GABRA6: variants seen among roughly 807,000 people sequenced by gnomAD.
GABRA6 encodes gamma-aminobutyric acid receptor subunit alpha-6.
In GABRA6, 45 loss-of-function variants were observed where a neutral mutation model predicts 47.3. The observed-to-expected ratio is 0.95, with a 90% confidence interval of 0.75 to 1.22. The LOEUF (loss-of-function observed/expected upper bound fraction) is 1.22, where lower values mean the gene tolerates loss of function less well. Ranked by LOEUF, GABRA6 falls within the 50% of genes most tolerant of loss-of-function variation. The pLI is 0.00. For synonymous variants in GABRA6, 219 were observed against 194.7 expected (o/e 1.12, Z -1.04); for missense variants, 583 against 549.3 (o/e 1.06, Z -0.61).
At chr5:161,696,529 A>G (rs975601515) in intron 8 of GABRA6, among the ~76,000 whole-genome samples, 4 of 152,074 alleles carry the variant, frequency 2.6e-5, no homozygotes, top group African/African-American at 9.7e-5. Context: ...TTTATGGGGA[A>G]GGCAGGATGG....
In GABRA6 at chr5:161,695,008, A is replaced by G. The variant is rs188436956; in HGVS notation, c.1086+2808A>G. Among the ~76,000 whole-genome samples, 113 of 152,290 alleles carry G rather than the reference A, an allele frequency of 7.4e-4. 1 individual carries two copies. In the Middle Eastern group the frequency reaches 0.01, roughly 14 times the overall value. ...AATACCATGACATTTAAAAATATCT[A>G]TTCAGTTGTAATCAAAACAACATTA... On this transcript the variant is annotated intron_variant, in intron 8 of 8. Coordinates refer to ENST00000274545, the MANE Select transcript of GABRA6 (RefSeq NM_000811.3).
intron 8 of GABRA6, among the ~76,000 whole-genome samples, chr5:161,693,638 AC>A (rs1754841507): frequency 7.5e-6 from 1 of 133,824 alleles, no homozygotes; most frequent in African/African-American, 2.8e-5. Context: ...TAGCAGGCTG[AC>A]CCCCATATCT....
At chr5:161,694,416 T>C (rs1483362733) in intron 8 of GABRA6, among the ~76,000 whole-genome samples, 5 of 152,016 alleles carry the variant, frequency 3.3e-5, no homozygotes, top group Non-Finnish European at 7.4e-5. Context: ...CTTTACCTTT[T>C]TTGAAATATG....
chr5:161,697,485 C>G (rs576772886), intron 8 of GABRA6, among the ~76,000 whole-genome samples: 1 of 152,274 alleles, frequency 6.6e-6, no homozygotes, highest in Admixed American at 6.5e-5. Flanking sequence ...ATCATATTTG[C>G]TGCCTGTAGA....
rs142563936 is a variant in GABRA6, at chr5:161,686,468, AC to A, written c.157+122del. On this transcript the variant is annotated intron_variant, in intron 2 of 8. Transcript: ENST00000274545. ...GGAAGGGGCAGGGTACGGGAGAGAG[AC>A]CATGGGTATGTTCCCATCCAGTCTC... 1.1e-3 allele frequency: 876 copies of A among 807,662 alleles called. 6 individuals are homozygous for A. The African/African-American group carries it at 0.013, about 12-fold the overall frequency. 50.0% of individuals were successfully genotyped at this position (807,662 alleles called of 1,614,324 possible). A position where few individuals can be genotyped will look rare whatever the true frequency, so the allele number is the denominator to read the frequency against.
intron 3 of GABRA6, 63 bp from the exon 4 acceptor site, chr5:161,688,886 G>A (rs1037559963): frequency 3.6e-6 from 5 of 1,401,526 alleles, no homozygotes; most frequent in South Asian, 2.3e-5. Context: ...GTATAGGCTA[G>A]TGAATAAACT....
intron 7 of GABRA6, among the ~76,000 whole-genome samples, chr5:161,691,624 A>G (rs79802786): frequency 0.019 from 2,955 of 151,936 alleles, 37 homozygotes; most frequent in Middle Eastern, 0.052. Flanking sequence ...CTTAAGTGGT[A>G]ATAATTTGTT....
In GABRA6 at chr5:161,701,616, T is replaced by TCA. The variant is rs1268851306; in HGVS notation, c.1209_1210dup (p.Pro404HisfsTer15). ...GCGCCCATCTTACAATCAACACCTG[T>TCA]CACACCCCCACCACTCTCGCCAGCC... On this transcript the variant is annotated frameshift_variant, in exon 9 of 9. Transcript: ENST00000274545. LOFTEE classifies it high-confidence loss of function. 18 of 1,614,022 alleles carry TCA rather than the reference T, an allele frequency of 1.1e-5. No homozygotes were observed. The highest frequency in any genetic ancestry group is 1.5e-5 in the Non-Finnish European group (18 of 1,180,034).
intron 8 of GABRA6, among the ~76,000 whole-genome samples, chr5:161,693,375 C>G (rs915046104): frequency 6.6e-5 from 10 of 151,532 alleles, no homozygotes; most frequent in Non-Finnish European, 7.4e-5. Context: ...TTTATTAGCC[C>G]TTATTTAAAA....
In GABRA6 at chr5:161,692,423, C is replaced by T. The variant is rs113161135; in HGVS notation, c.1086+223C>T. Among the ~76,000 whole-genome samples, 147 of 152,286 alleles carry T rather than the reference C, an allele frequency of 9.7e-4. 2 individuals carry two copies. The highest frequency in any genetic ancestry group is 2.9e-3 in the African/African-American group (119 of 41,552). ...ACTTTGGGCATTCTTCTTTCATCAT[C>T]CTCACTTATACTGGCAGATTCCAGG... is the stretch of plus-strand genomic sequence containing the variant. On this transcript the variant is annotated intron_variant, in intron 8 of 8. Coordinates refer to ENST00000274545, the MANE Select transcript of GABRA6 (RefSeq NM_000811.3).
At position 161,689,119 on chromosome 5, in the gene GABRA6, T is replaced by G. The variant is rs752192012; in HGVS notation, c.396T>G (p.Pro132=). The change falls in exon 4 of 9, where the codon CCT becomes CCG. Residue 132 remains proline (P), a synonymous_variant. Coordinates refer to ENST00000274545, the MANE Select transcript of GABRA6 (RefSeq NM_000811.3). ...KKSIAHNMTT[P]NKLFRIMQNG... ...CCATTGCTCACAACATGACAACTCC[T>G]AATAAACTCTTCAGAATAATGCAGA... 1.5e-5 allele frequency: 25 copies of G among 1,613,982 alleles called. No individual in the cohort carries two copies. The highest frequency in any genetic ancestry group is 2.0e-5 in the Non-Finnish European group (24 of 1,179,990).
chr5:161,696,099 G>A (rs1322805480), intron 8 of GABRA6, among the ~76,000 whole-genome samples: 1 of 152,122 alleles, frequency 6.6e-6, no homozygotes, highest in Non-Finnish European at 1.5e-5. Flanking sequence ...GTCTGGAGAG[G>A]TTTTCGTTTC....
In GABRA6 at chr5:161,689,085, G is replaced by A. The variant is rs1754749451; in HGVS notation, c.362G>A (p.Gly121Asp). ...IWTPDTFFRN[G>D]KKSIAHNMTT... is the part of the protein sequence containing the mutation. Reference sequence around the variant, plus strand: ...ACGCCTGACACCTTTTTCAGAAATGGTAAAAAGTCCATTGCTCACAACATG... The same window carrying A: ...ACGCCTGACACCTTTTTCAGAAATGATAAAAAGTCCATTGCTCACAACATG... The change falls in exon 4 of 9, where the codon GGT becomes GAT. Residue 121 changes from glycine (G) to aspartate (D), a missense_variant. Transcript: ENST00000274545. 1.9e-6 allele frequency: 3 copies of A among 1,613,974 alleles called. No homozygotes were observed. Among genetic ancestry groups the A allele is most frequent in the Non-Finnish European group, 2.5e-6 (3 of 1,179,960 alleles).
In GABRA6 at chr5:161,689,699, T is replaced by A. The variant is rs1263855213; in HGVS notation, c.593T>A (p.Val198Asp). 14 of 1,610,006 alleles carry A rather than the reference T, an allele frequency of 8.7e-6. No homozygotes were observed. Among genetic ancestry groups the A allele is most frequent in the African/African-American group, 1.3e-5 (1 of 74,844 alleles). The change falls in exon 6 of 9, where the codon GTC becomes GAC. Residue 198 changes from valine to aspartate, a missense_variant. By Grantham distance (152) the Val-to-Asp change is radical. Coordinates refer to ENST00000274545, the MANE Select transcript of GABRA6 (RefSeq NM_000811.3). ...WKKGPLYSVE[V>D]PEESSSLLQY... ...AAAGGACCACTTTACTCAGTAGAAG[T>A]CCCAGAAGAATCTTCAAGCCTTCTC... is the stretch of plus-strand genomic sequence containing the variant.
chr5:161,701,077 A>G (rs1754971724), intron 8 of GABRA6, among the ~76,000 whole-genome samples: 1 of 152,142 alleles, frequency 6.6e-6, no homozygotes, highest in Non-Finnish European at 1.5e-5. Context: ...TTTTGTACTA[A>G]TTGTCCACAT....
At chr5:161,696,263 C>A (rs1366669447) in intron 8 of GABRA6, among the ~76,000 whole-genome samples, 1 of 152,008 alleles carries the variant, frequency 6.6e-6, no homozygotes, top group African/African-American at 2.4e-5. Flanking sequence ...GTGCACTGGG[C>A]CATTACCATG....
In GABRA6 at chr5:161,689,776, A is replaced by C; in HGVS notation, c.670A>C (p.Thr224Pro). 1 of 1,612,706 alleles carries C rather than the reference A, an allele frequency of 6.2e-7. No homozygotes were observed. Among genetic ancestry groups the C allele is most frequent in the Non-Finnish European group, 8.5e-7 (1 of 1,178,796 alleles). ...TVSSETIKSN[T>P]GEYVIMTVYF... The stretch of plus-strand genomic sequence containing the variant: ...ATCTAGTGAGACAATTAAATCTAAC[A>C]CAGGTAAGAATTTGACCAAAGGATG... Residue 224 changes from threonine (T) to proline (P), a missense_variant, in exon 6 of 9, where the codon ACA (threonine) becomes CCA (proline). Physicochemically the swap from Thr to Pro is conservative, Grantham distance 38. Coordinates refer to ENST00000274545, the MANE Select transcript of GABRA6 (RefSeq NM_000811.3).
chr5:161,687,493 A>G (rs940344614), intron 3 of GABRA6: 2 of 456,026 alleles, frequency 4.4e-6, no homozygotes, highest in African/African-American at 4.0e-5. Flanking sequence ...TTGAGGATGG[A>G]CCAGTAGGTG....
In GABRA6 at chr5:161,701,926, A is replaced by G; in HGVS notation, c.*153A>G. 1 of 748,650 alleles carries G rather than the reference A, an allele frequency of 1.3e-6. No individual in the cohort carries two copies. The highest frequency in any genetic ancestry group is 2.2e-6 in the Non-Finnish European group (1 of 452,726). 46.4% of individuals were successfully genotyped at this position (748,650 alleles called of 1,614,324 possible). A position where few individuals can be genotyped will look rare whatever the true frequency, so the allele number is the denominator to read the frequency against. On this transcript the variant is annotated 3_prime_UTR_variant, in exon 9 of 9. Coordinates refer to ENST00000274545, the MANE Select transcript of GABRA6 (RefSeq NM_000811.3). Reference sequence around the variant, plus strand: ...CAGCTTCCGTAAGCATGTGTGGGCAAAAAAGCAATAATCCTACTCCTCAAA... The same window carrying G: ...CAGCTTCCGTAAGCATGTGTGGGCAGAAAAGCAATAATCCTACTCCTCAAA...
Sources: gnomAD v4.1 joint callset for allele counts (sites outside exome capture counted in the v4.1 genomes callset) on GRCh38, gnomAD v4.1.1 for gene constraint, MANE v1.5 for transcripts, NCBI Gene and HGNC (gene_info 2026-07-23, HGNC 2026-07-21) for gene names.